KAZN: variants seen among roughly 807,000 people sequenced by gnomAD.
The protein encoded by KAZN is kazrin.
Under a neutral mutation model 87.4 loss-of-function variants are expected in KAZN, and 40 were observed. The ratio of observed to expected loss-of-function variants is 0.46; its 90% CI spans 0.36 to 0.60. KAZN has a LOEUF of 0.60. Among genes scored for constraint, KAZN ranks in the 20% least tolerant of loss-of-function variants. The pLI is 0.00. For missense variants in KAZN, 898 were observed against 1,073.9 expected (o/e 0.84, Z 2.29); for synonymous variants, 466 against 458.3 (o/e 1.02, Z -0.22).
chr1:14,807,855 G>A (rs1646272934), intron 1 of KAZN, among the ~76,000 whole-genome samples: 1 of 152,110 alleles, frequency 6.6e-6, no homozygotes, highest in Non-Finnish European at 1.5e-5. Flanking sequence ...TCCCCACCCA[G>A]ACACAGGCAA....
chr1:13,981,087 C>A (rs958669957), intron 1 of KAZN, among the ~76,000 whole-genome samples: 3 of 8,300 alleles, frequency 3.6e-4, no homozygotes, highest in Non-Finnish European at 8.2e-4. Flanking sequence ...AAAAATTACT[C>A]TTTATATATA....
chr1:13,981,089 T>TTATATATATATATATATATA lies in KAZN; in HGVS notation c.91+87335_91+87354dup, dbSNP rs1205017791. Among the ~76,000 whole-genome samples the TTATATATATATATATATATA allele has an allele frequency of 2.7e-3, 171 of 63,084 alleles. 10 individuals are homozygous for TTATATATATATATATATATA. Among genetic ancestry groups the TTATATATATATATATATATA allele is most frequent in the African/African-American group, 9.7e-3 (167 of 17,186 alleles). 41.4% of individuals were successfully genotyped at this position (63,084 alleles called of 152,430 possible). ...TTGGAGAGGTATAAAAAATTACTCT[T>TTATATATATATATATATATA]TATATATATATATATATATATGTAT... On this transcript the variant is annotated intron_variant, in intron 1 of 16. Transcript: ENST00000636203.
intron 1 of KAZN, among the ~76,000 whole-genome samples, chr1:13,949,377 G>A (rs773544006): frequency 6.6e-6 from 1 of 152,210 alleles, no homozygotes; most frequent in African/African-American, 2.4e-5. Context: ...AGAGGCAGCA[G>A]GGGAGACTTA....
intron 1 of KAZN, among the ~76,000 whole-genome samples, chr1:14,120,364 C>T (rs1644725563): frequency 6.6e-6 from 1 of 152,042 alleles, no homozygotes; most frequent in South Asian, 2.1e-4. Context: ...GAGGATGATG[C>T]TAAACCATTC....
At chr1:14,785,625 C>T (rs1039625516) in intron 1 of KAZN, among the ~76,000 whole-genome samples, 14 of 152,172 alleles carry the variant, frequency 9.2e-5, no homozygotes, top group Non-Finnish European at 1.6e-4. Flanking sequence ...AGTTACCTCT[C>T]TATCATTATG....
intron 2 of KAZN, among the ~76,000 whole-genome samples, chr1:14,981,545 C>A (rs1377907736): frequency 6.6e-6 from 1 of 152,244 alleles, no homozygotes; most frequent in Non-Finnish European, 1.5e-5. Flanking sequence ...CTGCATGCAA[C>A]CCCATCTCTG....
In KAZN at chr1:14,709,690, T is replaced by A. The variant is rs16850749; in HGVS notation, c.226+110467T>A. ...GAGGCCACTGCTCCAGGATACAGTA[T>A]GAAGAGTGGGCGTAGTTGAGGGATG... On this transcript the variant is annotated intron_variant, in intron 1 of 14. Coordinates refer to ENST00000376030, the MANE Select transcript of KAZN (RefSeq NM_201628.3). Among the ~76,000 whole-genome samples the A allele has an allele frequency of 3.4e-3, 523 of 152,260 alleles. 4 individuals carry two copies. The highest frequency in any genetic ancestry group is 0.012 in the African/African-American group (501 of 41,560).
intron 1 of KAZN, among the ~76,000 whole-genome samples, chr1:14,050,295 G>T (rs534194532): frequency 6.6e-6 from 1 of 152,318 alleles, no homozygotes; most frequent in East Asian, 1.9e-4. Flanking sequence ...TGGAGCACTG[G>T]ATACTTCTCT....
intron 1 of KAZN, among the ~76,000 whole-genome samples, chr1:14,915,881 GCCAAGGCAGC>G (rs1657760729): frequency 6.6e-6 from 1 of 152,190 alleles, no homozygotes; most frequent in African/African-American, 2.4e-5. Flanking sequence ...GACACCTATT[GCCAAGGCAGC>G]ATCATGGCTA....
At chr1:14,988,774 A>C (rs535844259) in intron 2 of KAZN, among the ~76,000 whole-genome samples, 11 of 152,268 alleles carry the variant, frequency 7.2e-5, no homozygotes, top group African/African-American at 2.6e-4. Context: ...GCTCAGCTGC[A>C]GGGGCCACTG....
chr1:14,795,122 G>T (rs568607755), intron 1 of KAZN, among the ~76,000 whole-genome samples: 3 of 152,214 alleles, frequency 2.0e-5, no homozygotes, highest in South Asian at 2.1e-4. Context: ...TGGCTTTCTT[G>T]CTCCTCCCTC....
intron 1 of KAZN, among the ~76,000 whole-genome samples, chr1:14,651,569 C>T (rs1337982123): frequency 1.3e-5 from 2 of 152,166 alleles, no homozygotes; most frequent in African/African-American, 4.8e-5. Flanking sequence ...ACGAATGTTT[C>T]TACAAGCAGG....
rs1054465495 is a variant in KAZN at position 14,337,566 on chromosome 1, A to G, written c.249+156974A>G. ...TCCTTTCCTCCATTGTTCCTGTTTTAATCCTGGGGCAAGTAGCTATTGGTT... is the reference window on the plus strand; with the variant it reads ...TCCTTTCCTCCATTGTTCCTGTTTTGATCCTGGGGCAAGTAGCTATTGGTT... On this transcript the variant is annotated intron_variant, in intron 2 of 16. Transcript: ENST00000636203. Among the ~76,000 whole-genome samples, 11 of 152,302 alleles carry G rather than the reference A, an allele frequency of 7.2e-5. No homozygotes were observed. In the South Asian group the frequency reaches 1.0e-3, roughly 14 times the overall value.
intron 2 of KAZN, among the ~76,000 whole-genome samples, chr1:14,985,091 A>G (rs778779479): frequency 6.6e-6 from 1 of 151,478 alleles, no homozygotes; most frequent in Admixed American, 6.6e-5. Context: ...AGCCAAGATC[A>G]TGCCACTGCA....
chr1:14,545,172 C>T (rs559430953), intron 2 of KAZN, among the ~76,000 whole-genome samples: 2 of 152,346 alleles, frequency 1.3e-5, no homozygotes, highest in African/African-American at 4.8e-5. Context: ...AGATGTTCCT[C>T]CTGGGGCAGA....
intron 1 of KAZN, among the ~76,000 whole-genome samples, chr1:14,811,254 G>GT (rs1425875512): frequency 1.0e-5 from 1 of 99,236 alleles, no homozygotes; most frequent in Admixed American, 9.5e-5. Context: ...GTATTTATGT[G>GT]TTTATATAAC....
At chr1:14,391,125 C>A (rs1403231329) in intron 2 of KAZN, among the ~76,000 whole-genome samples, 1 of 152,122 alleles carries the variant, frequency 6.6e-6, no homozygotes, top group Non-Finnish European at 1.5e-5. Context: ...ACTTAGGAGG[C>A]AATTATAATA....
chr1:13,979,322 C>T (rs1343533103), intron 1 of KAZN, among the ~76,000 whole-genome samples: 1 of 152,086 alleles, frequency 6.6e-6, no homozygotes, highest in Non-Finnish European at 1.5e-5. Flanking sequence ...AAAGAAGCAA[C>T]AATAAAACCA....
chr1:14,971,899 AC>A (rs1410952479), intron 2 of KAZN, among the ~76,000 whole-genome samples: 1 of 151,848 alleles, frequency 6.6e-6, no homozygotes, highest in Admixed American at 6.6e-5. Flanking sequence ...TTTTCTTCCC[AC>A]CTCCTCCCAG....
Sources: gnomAD v4.1 joint callset for allele counts (sites outside exome capture counted in the v4.1 genomes callset) on GRCh38, gnomAD v4.1.1 for gene constraint, MANE v1.5 for transcripts, NCBI Gene and HGNC (gene_info 2026-07-23, HGNC 2026-07-21) for gene names.